Variants in CFAP54 observed in about 807,000 individuals in gnomAD.
CFAP54 encodes the protein cilia- and flagella-associated protein 54.
A neutral mutation model predicts 370.4 loss-of-function variants in CFAP54; 290 were observed. That is an observed-to-expected ratio of 0.78 (90% CI 0.71 to 0.86). The LOEUF (loss-of-function observed/expected upper bound fraction) is 0.86. CFAP54 is among the 40% of genes least tolerant of loss of function. The pLI is 0.00. For missense variants in CFAP54, 3,399 were observed against 3,528.7 expected, an observed-to-expected ratio of 0.96 and a Z score of 0.93; for synonymous variants, 1,206 against 1,236.5, an observed-to-expected ratio of 0.98 and a Z score of 0.52.
chr12:96,851,699 A>G (rs1438582551), intron 66 of CFAP54, among the ~76,000 whole-genome samples: 2 of 152,082 alleles, frequency 1.3e-5, no homozygotes, highest in Non-Finnish European at 2.9e-5. Flanking sequence ...CTAGGAATAA[A>G]TTTAACAAAA....
In CFAP54 at chr12:96,621,871, G is replaced by GTTTTTTT. The variant is rs1290967830; in HGVS notation, c.3771+153_3771+154insTTTTTTT. 2.5e-4 allele frequency: 13 copies of GTTTTTTT among 51,424 alleles called. No homozygotes were observed. The East Asian group carries it at 5.9e-3, about 23-fold the overall frequency. The allele number at this position is 51,424 out of a possible 1,614,324, so 3.2% of individuals were successfully genotyped here. A position where few individuals can be genotyped will look rare whatever the true frequency, so the allele number is the denominator to read the frequency against. ...AAGTATTATAGTAAAGAGCTTTTGG[G>GTTTTTTT]TTTGTTTTTTTTTTTTTTTTTTTTT... is the stretch of plus-strand genomic sequence containing the variant. On this transcript the variant is annotated intron_variant, in intron 27 of 67. Transcript: ENST00000524981.
intron 38 of CFAP54, 86 bp downstream of exon 38, chr12:96,658,432 A>T: frequency 1.4e-6 from 2 of 1,460,986 alleles, no homozygotes; most frequent in Non-Finnish European, 1.9e-6. Flanking sequence ...AAGTCAGATA[A>T]ATCTTATTAT....
chr12:96,727,386 A>G, intron 50 of CFAP54, among the ~76,000 whole-genome samples: 2 of 149,004 alleles, frequency 1.3e-5, no homozygotes, highest in Non-Finnish European at 3.0e-5. Flanking sequence ...TATATTTAGG[A>G]TAGTTAGCGC....
At chr12:96,767,478 A>G (rs913408129) in intron 60 of CFAP54, among the ~76,000 whole-genome samples, 4 of 152,142 alleles carry the variant, frequency 2.6e-5, no homozygotes, top group Non-Finnish European at 4.4e-5. Flanking sequence ...TTCAGTTTCC[A>G]TTTTATACCA....
chr12:96,841,795 G>A (rs1959219674), intron 66 of CFAP54, among the ~76,000 whole-genome samples: 1 of 152,230 alleles, frequency 6.6e-6, no homozygotes, highest in African/African-American at 2.4e-5. Flanking sequence ...CTGAAGCAAT[G>A]TATCTTGGTT....
chr12:96,699,797 CAT>C (rs1398740855), intron 45 of CFAP54, among the ~76,000 whole-genome samples, 172 bp from the exon 46 acceptor site: 3 of 152,198 alleles, frequency 2.0e-5, no homozygotes, highest in African/African-American at 7.2e-5. Flanking sequence ...TGGGCATACA[CAT>C]AGACACACGC....
rs1194006844 is a variant in CFAP54, at chr12:96,506,937, TTGAG to T, written c.580_583del (p.Ser194AlafsTer17). 6.5e-7 allele frequency: 1 copy of T among 1,530,290 alleles called. No homozygotes were observed. The highest frequency in any genetic ancestry group is 1.4e-5 in the African/African-American group (1 of 72,668). 94.8% of individuals were successfully genotyped at this position (1,530,290 alleles called of 1,614,324 possible). A position where few individuals can be genotyped will look rare whatever the true frequency, so the allele number is the denominator to read the frequency against. ...TTCCCATGTGTTTCAGTTTCATGCT[TTGAG>T]TGGCAAAAATATGTGCAACTACCAG... On this transcript the variant is annotated frameshift_variant, in exon 4 of 68. Coordinates refer to ENST00000524981, the MANE Select transcript of CFAP54 (RefSeq NM_001306084.2). LOFTEE classifies it high-confidence loss of function.
intron 33 of CFAP54, chr12:96,646,667 G>A (rs996838966): frequency 6.6e-6 from 1 of 152,158 alleles, no homozygotes; most frequent in Non-Finnish European, 1.5e-5. Flanking sequence ...GTTTATCACA[G>A]CACTATTCAC....
chr12:96,611,652 A>C (rs1373380219), intron 26 of CFAP54, among the ~76,000 whole-genome samples: 1 of 152,192 alleles, frequency 6.6e-6, no homozygotes, highest in Non-Finnish European at 1.5e-5. Flanking sequence ...AAGATTAGAC[A>C]AATGGCTAAC....
At chr12:96,701,395 G>A (rs1300789863) in intron 46 of CFAP54, among the ~76,000 whole-genome samples, 2 of 152,100 alleles carry the variant, frequency 1.3e-5, no homozygotes, top group African/African-American at 4.8e-5. Flanking sequence ...ACTGAATACA[G>A]ATGCCATTCC....
chr12:96,603,002 A>G (rs955911350), intron 26 of CFAP54, among the ~76,000 whole-genome samples: 3 of 152,198 alleles, frequency 2.0e-5, no homozygotes, highest in African/African-American at 4.8e-5. Context: ...TGTCGTTACA[A>G]TGCTAGCTGT....
chr12:96,525,498 A>T (rs1955369591), intron 8 of CFAP54, among the ~76,000 whole-genome samples: 2 of 151,758 alleles, frequency 1.3e-5, no homozygotes, highest in South Asian at 4.2e-4. Flanking sequence ...TTTTTCTATG[A>T]TGTTTTTATA....
intron 1 of CFAP54, among the ~76,000 whole-genome samples, chr12:96,490,980 C>CTT (rs71307527): frequency 0.27 from 39,854 of 149,100 alleles, 5,464 homozygotes; most frequent in South Asian, 0.36. Flanking sequence ...GCAATTTTAT[C>CTT]TTTTTTTTTT....
At chr12:96,841,879 C>T (rs1030814421) in intron 66 of CFAP54, among the ~76,000 whole-genome samples, 4 of 152,202 alleles carry the variant, frequency 2.6e-5, no homozygotes, top group East Asian at 1.9e-4. Flanking sequence ...TTTCCCTAGG[C>T]GTCACTTCCT....
At chr12:96,825,540 A>G (rs1959088328) in intron 65 of CFAP54, among the ~76,000 whole-genome samples, 2 of 110,000 alleles carry the variant, frequency 1.8e-5, no homozygotes, top group South Asian at 2.6e-4. Context: ...TATTTACTAT[A>G]TATTATATAT....
intron 50 of CFAP54, among the ~76,000 whole-genome samples, chr12:96,727,912 A>G (rs991284397): frequency 2.7e-5 from 4 of 150,604 alleles, no homozygotes; most frequent in Non-Finnish European, 5.9e-5. Context: ...TCTGTAAAGG[A>G]TTTTATTTCT....
chr12:96,611,132 C>T (rs542797353), intron 26 of CFAP54, among the ~76,000 whole-genome samples: 77 of 152,332 alleles, frequency 5.1e-4, no homozygotes, highest in African/African-American at 1.7e-3. Context: ...CTGGGAGGCA[C>T]CCCCCAGTAG....
intron 17 of CFAP54, among the ~76,000 whole-genome samples, chr12:96,560,086 G>A (rs1955799595): frequency 2.0e-5 from 3 of 152,024 alleles, no homozygotes; most frequent in African/African-American, 2.4e-5. Context: ...AGGGTAATTA[G>A]GATATTCATC....
chr12:96,582,795 G>T (rs1187054620), intron 22 of CFAP54, among the ~76,000 whole-genome samples: 1 of 152,118 alleles, frequency 6.6e-6, no homozygotes, highest in Non-Finnish European at 1.5e-5. Context: ...CACTATATTT[G>T]CAGTTCTGTA....
Sources: allele counts gnomAD v4.1 joint callset (sites outside exome capture counted in the v4.1 genomes callset), GRCh38; gene constraint gnomAD v4.1.1; transcripts MANE v1.5; gene names NCBI Gene and HGNC (gene_info 2026-07-23, HGNC 2026-07-21).